The following LRP4 variants were observed in gnomAD, a reference collection of about 807,000 sequenced individuals.
LRP4 encodes low-density lipoprotein receptor-related protein 4.
Under a neutral mutation model 220.3 loss-of-function variants are expected in LRP4, and 95 were observed. The observed-to-expected ratio is 0.43, with a 90% confidence interval of 0.37 to 0.51. LRP4 has a LOEUF of 0.51. LRP4 is among the 20% of genes least tolerant of loss of function. The pLI is 0.00. For synonymous variants in LRP4, 903 were observed against 954.6 expected (o/e 0.95, Z 1.00); for missense variants, 1,925 against 2,567.0 (o/e 0.75, Z 5.40).
chr11:46,862,966 A>G, intron 36 of LRP4: 2 of 567,434 alleles, frequency 3.5e-6, no homozygotes, highest in South Asian at 2.1e-5. Context: ...CTACTAGATT[A>G]GGTTACCAAG....
chr11:46,886,594 A>T, intron 16 of LRP4, 61 bp from the exon 17 acceptor site: 2 of 1,383,874 alleles, frequency 1.4e-6, no homozygotes, highest in Admixed American at 1.7e-5. Context: ...AGTGACAGAC[A>T]CAGACGCTCA....
chr11:46,890,422 G>T lies in LRP4; in HGVS notation c.1770C>A (p.Arg590=). ...EASSMDGSGR[R]IIADTHLFWP... Reference sequence around the variant, plus strand: ...AGAAGAGATGGGTATCGGCAATGATGCGGCGTCCAGAGCCATCCATGCTGG... The same window carrying T: ...AGAAGAGATGGGTATCGGCAATGATTCGGCGTCCAGAGCCATCCATGCTGG... The change falls in exon 14 of 38, where the codon CGC becomes CGA. Residue 590 remains arginine (R), a synonymous_variant. Coordinates refer to ENST00000378623, the MANE Select transcript of LRP4 (RefSeq NM_002334.4). This position sits in a 1 kb window ranked among gnomAD's most constrained non-coding sequence, Gnocchi z 5.3. The T allele has an allele frequency of 2.5e-6, 4 of 1,614,166 alleles. No homozygotes were observed. The highest frequency in any genetic ancestry group is 3.4e-6 in the Non-Finnish European group (4 of 1,180,014).
intron 36 of LRP4, among the ~76,000 whole-genome samples, chr11:46,863,385 G>A (rs1310264605): frequency 1.3e-5 from 2 of 152,062 alleles, no homozygotes. Flanking sequence ...TTTAGAGTCA[G>A]ACAGATCTGT....
At chr11:46,864,311 G>A (rs1940636114) in intron 36 of LRP4, 137 bp downstream of exon 36, 2 of 741,810 alleles carry the variant, frequency 2.7e-6, no homozygotes, top group South Asian at 2.8e-5. Flanking sequence ...CTTTCCTTCT[G>A]CTGCCCTGAC....
intron 16 of LRP4, among the ~76,000 whole-genome samples, chr11:46,887,179 G>A (rs7118404): frequency 0.51 from 77,257 of 151,934 alleles, 22,946 homozygotes; most frequent in South Asian, 0.67. Context: ...ACTCCTCTAC[G>A]TAGTTTACTT....
intron 12 of LRP4, among the ~76,000 whole-genome samples, chr11:46,893,881 T>C (rs1208771196): frequency 6.6e-6 from 1 of 151,800 alleles, no homozygotes; most frequent in Non-Finnish European, 1.5e-5. Context: ...ATTACAGGCG[T>C]AAGCCACCAC....
chr11:46,862,591 A>C lies in LRP4; in HGVS notation c.5385+15T>G. ...CTCGCCAAAAAGACCCTTGAATATA[A>C]ATTTCAATTTTTACCTCTTTCTTAT... On this transcript the variant is annotated intron_variant, in intron 37 of 37. Transcript: ENST00000378623. 2 of 1,614,012 alleles carry C rather than the reference A, an allele frequency of 1.2e-6. No homozygotes were observed. Among genetic ancestry groups the C allele is most frequent in the Non-Finnish European group, 1.7e-6 (2 of 1,179,966 alleles).
intron 1 of LRP4, 59 bp from the exon 2 acceptor site, chr11:46,902,988 C>T: frequency 6.2e-7 from 1 of 1,609,976 alleles, no homozygotes; most frequent in Admixed American, 1.7e-5. Context: ...CAAGCCCATT[C>T]CGAGGGGAAA....
Position 46,858,532 on chromosome 11 carries a change from T to A in LRP4, c.*451A>T, listed in dbSNP as rs1940439555. ...AGCCTCTATCCTTCATCCCTGTCTTTACCCACACCCCCATGTCCCAGCCCC... is the reference window on the plus strand; with the variant it reads ...AGCCTCTATCCTTCATCCCTGTCTTAACCCACACCCCCATGTCCCAGCCCC... On this transcript the variant is annotated 3_prime_UTR_variant, in exon 38 of 38. Coordinates refer to ENST00000378623, the MANE Select transcript of LRP4 (RefSeq NM_002334.4). 1 of 265,956 alleles carries A rather than the reference T, an allele frequency of 3.8e-6. No individual in the cohort carries two copies. Among genetic ancestry groups the A allele is most frequent in the African/African-American group, 2.2e-5 (1 of 45,860 alleles). The allele number at this position is 265,956 out of a possible 1,614,324, so 16.5% of individuals were successfully genotyped here.
intron 1 of LRP4, among the ~76,000 whole-genome samples, chr11:46,915,102 A>T (rs1484808152): frequency 6.6e-6 from 1 of 152,174 alleles, no homozygotes; most frequent in Admixed American, 6.5e-5. Flanking sequence ...TCTGATATTC[A>T]TCAGGGTACA....
chr11:46,868,916 C>A (rs2050276334), intron 32 of LRP4, 72 bp downstream of exon 32: 2 of 1,599,092 alleles, frequency 1.3e-6, no homozygotes, highest in South Asian at 2.2e-5. Context: ...TGTCTTGGTC[C>A]CTAACAGTCC....
intron 18 of LRP4, among the ~76,000 whole-genome samples, chr11:46,884,255 G>A (rs1175426436): frequency 6.6e-6 from 1 of 152,198 alleles, no homozygotes; most frequent in Non-Finnish European, 1.5e-5. Context: ...TAAGAATCAG[G>A]AGAGCTTGTT....
intron 18 of LRP4, among the ~76,000 whole-genome samples, chr11:46,885,569 C>T (rs1447549107): frequency 6.6e-6 from 1 of 152,072 alleles, no homozygotes; most frequent in Non-Finnish European, 1.5e-5. Flanking sequence ...GTCAGGAGAT[C>T]AAGACCATCC....
intron 1 of LRP4, among the ~76,000 whole-genome samples, chr11:46,911,259 C>A (rs1565807137): frequency 6.6e-6 from 1 of 152,082 alleles, no homozygotes; most frequent in Non-Finnish European, 1.5e-5. Context: ...TAGCCAATGC[C>A]AGGCTATCTT....
rs1470614204 is a variant in LRP4, at chr11:46,910,579, C to A, written c.53-7650G>T. Among the ~76,000 whole-genome samples the A allele has an allele frequency of 2.0e-5, 3 of 151,956 alleles. No homozygotes were observed. In the South Asian group the frequency reaches 6.2e-4, roughly 31 times the overall value. On this transcript the variant is annotated intron_variant, in intron 1 of 37. Transcript: ENST00000378623. ...TACTGTGTACCAGGCAGCAGTACCACCACCATGGGTTAAGTTGGTGGCATG... is the reference window on the plus strand; with the variant it reads ...TACTGTGTACCAGGCAGCAGTACCAACACCATGGGTTAAGTTGGTGGCATG...
In LRP4 at chr11:46,892,973, C is replaced by T. The variant is rs774074917; in HGVS notation, c.1697G>A (p.Gly566Asp). ...TTCGGGAGCCTGAGATACAACTTAC[C>T]CCTCCATGGGATGCAAGGCAATGGC... ...PRAIALHPME[G>D]TIYWTDWGNT... The change falls in exon 13 of 38, where the codon GGT (glycine) becomes GAT (aspartate). Residue 566 changes from glycine to aspartate, a missense_variant and splice_region_variant. Coordinates refer to ENST00000378623, the MANE Select transcript of LRP4 (RefSeq NM_002334.4). 1 of 1,613,018 alleles carries T rather than the reference C, an allele frequency of 6.2e-7. No individual in the cohort carries two copies. The highest frequency in any genetic ancestry group is 8.5e-7 in the Non-Finnish European group (1 of 1,179,912).
chr11:46,895,022 C>T, intron 11 of LRP4, 144 bp downstream of exon 11: 3 of 1,105,500 alleles, frequency 2.7e-6, no homozygotes, highest in Non-Finnish European at 4.0e-6. Flanking sequence ...CAGCATTTTT[C>T]TTGGGGCTCA....
Position 46,893,911 on chromosome 11 carries a change from T to G in LRP4, c.1540+678A>C, listed in dbSNP as rs868569565. 3.3e-5 allele frequency among the ~76,000 whole-genome samples: 5 copies of G among 149,380 alleles called. No homozygotes were observed. In the South Asian group the frequency reaches 8.5e-4, roughly 25 times the overall value. ...CACCACGCTTGAACTATTTTTTTTT[T>G]TTTTTTGAGACGGAGTTTTGCCTAG... On this transcript the variant is annotated intron_variant, in intron 12 of 37. Coordinates refer to ENST00000378623, the MANE Select transcript of LRP4 (RefSeq NM_002334.4).
intron 20 of LRP4, 85 bp downstream of exon 20, chr11:46,881,617 C>T (rs72897647): frequency 1.3e-4 from 179 of 1,353,690 alleles, no homozygotes; most frequent in Non-Finnish European, 1.8e-4. Context: ...CAGCTGCCAG[C>T]CAAAAAGTAC....
Sources: allele counts gnomAD v4.1 joint callset (sites outside exome capture counted in the v4.1 genomes callset), GRCh38; gene constraint gnomAD v4.1.1; non-coding constraint Gnocchi (gnomAD v3.1); transcripts MANE v1.5; gene names NCBI Gene and HGNC (gene_info 2026-07-23, HGNC 2026-07-21).